CEP112: variants seen among roughly 807,000 people sequenced by gnomAD.
CEP112 encodes centrosomal protein of 112 kDa.
A neutral mutation model predicts 153.0 loss-of-function variants in CEP112; 127 were observed. The observed-to-expected ratio is 0.83, with a 90% confidence interval of 0.72 to 0.96. The LOEUF is 0.96. Among genes scored for constraint, CEP112 ranks in the 40% least tolerant of loss-of-function variants. CEP112 has a pLI of 0.00. For synonymous variants in CEP112, 358 were observed against 374.4 expected, an observed-to-expected ratio of 0.96 and a Z score of 0.51; for missense variants, 1,089 against 1,101.2, an observed-to-expected ratio of 0.99 and a Z score of 0.16.
intron 22 of CEP112, among the ~76,000 whole-genome samples, chr17:65,744,464 C>G (rs546205337): frequency 6.6e-6 from 1 of 152,192 alleles, no homozygotes; most frequent in African/African-American, 2.4e-5. Context: ...CCAGACTGGT[C>G]TCGAATTCCT....
chr17:66,072,387 C>T (rs997774817), intron 8 of CEP112, among the ~76,000 whole-genome samples: 1 of 152,146 alleles, frequency 6.6e-6, no homozygotes, highest in Non-Finnish European at 1.5e-5. Context: ...AATCCAGGAT[C>T]CAACCAAGAA....
chr17:65,691,058 T>C (rs907807497), intron 23 of CEP112, among the ~76,000 whole-genome samples: 17 of 151,672 alleles, frequency 1.1e-4, no homozygotes, highest in African/African-American at 4.1e-4. Context: ...GAAATAGAGA[T>C]GATGGCCCTG....
At position 66,027,492 on chromosome 17, in the gene CEP112, A is replaced by G; in HGVS notation, c.1656+9T>C. 1 of 1,345,466 alleles carries G rather than the reference A, an allele frequency of 7.4e-7. No individual in the cohort carries two copies. Among genetic ancestry groups the G allele is most frequent in the Non-Finnish European group, 9.9e-7 (1 of 1,008,726 alleles). The allele number at this position is 1,345,466 out of a possible 1,614,324, so 83.3% of individuals were successfully genotyped here. A position where few individuals can be genotyped will look rare whatever the true frequency, so the allele number is the denominator to read the frequency against. Reference sequence around the variant, plus strand: ...TTAAATATTTTATAGCTTCCATAAAACATATTACCTTTTTTTCATAGATGT... The same window carrying G: ...TTAAATATTTTATAGCTTCCATAAAGCATATTACCTTTTTTTCATAGATGT... On this transcript the variant is annotated intron_variant, in intron 16 of 26. Transcript: ENST00000535342.
At chr17:65,851,320 C>G (rs2057921808) in intron 21 of CEP112, among the ~76,000 whole-genome samples, 1 of 152,124 alleles carries the variant, frequency 6.6e-6, no homozygotes. Flanking sequence ...ATAATATATA[C>G]TTCTAAAAAG....
At chr17:65,988,617 T>C (rs1403337257) in intron 17 of CEP112, among the ~76,000 whole-genome samples, 1 of 152,006 alleles carries the variant, frequency 6.6e-6, no homozygotes, top group African/African-American at 2.4e-5. Context: ...AGTTGAAAAA[T>C]ACATTTGCTG....
intron 12 of CEP112, among the ~76,000 whole-genome samples, chr17:66,032,834 C>G (rs1343756539): frequency 6.6e-6 from 1 of 151,970 alleles, no homozygotes; most frequent in Non-Finnish European, 1.5e-5. Flanking sequence ...AGACATCACA[C>G]AAAATTAAGT....
intron 21 of CEP112, among the ~76,000 whole-genome samples, chr17:65,813,838 T>C (rs2056119288): frequency 6.6e-6 from 1 of 152,220 alleles, no homozygotes; most frequent in Admixed American, 6.5e-5. Context: ...TAAGAATCTG[T>C]GTTGTATCTG....
At chr17:65,715,080 G>A (rs1054726433) in intron 23 of CEP112, among the ~76,000 whole-genome samples, 1 of 152,138 alleles carries the variant, frequency 6.6e-6, no homozygotes, top group Admixed American at 6.5e-5. Context: ...TAACAGAAAG[G>A]AAAAGAGTAA....
At chr17:66,179,191 A>G (rs191627262) in intron 2 of CEP112, among the ~76,000 whole-genome samples, 4 of 152,272 alleles carry the variant, frequency 2.6e-5, no homozygotes, top group African/African-American at 9.6e-5. Flanking sequence ...TTGTGGTTCC[A>G]CATAAATTTT....
At chr17:65,761,313 T>C (rs2052600564) in intron 21 of CEP112, among the ~76,000 whole-genome samples, 1 of 151,974 alleles carries the variant, frequency 6.6e-6, no homozygotes, top group Non-Finnish European at 1.5e-5. Flanking sequence ...AGGGTCTCAC[T>C]ATGTTGCTCA....
intron 23 of CEP112, among the ~76,000 whole-genome samples, chr17:65,712,932 T>C (rs930020200): frequency 4.6e-5 from 7 of 152,014 alleles, no homozygotes; most frequent in Admixed American, 1.3e-4. Flanking sequence ...CCAAGCAAAA[T>C]TGGCTAATGT....
chr17:65,696,275 A>G (rs1724218892), intron 23 of CEP112, among the ~76,000 whole-genome samples: 1 of 152,134 alleles, frequency 6.6e-6, no homozygotes, highest in Non-Finnish European at 1.5e-5. Context: ...CCTTTTCACA[A>G]ATCATCATGA....
chr17:66,096,278 A>C lies in CEP112; in HGVS notation c.741T>G (p.His247Gln). ...LRKSSSFHDD[H>Q]FLSRIREKEL... ...CTTTCTCACGTATTCGAGAGAGAAA[A>C]TGATCATCATGGAAACTGCTGGATT... is the stretch of plus-strand genomic sequence containing the variant. The change falls in exon 8 of 27, where the codon CAT becomes CAG. Residue 247 changes from histidine to glutamine, a missense_variant. Transcript: ENST00000535342. 2 of 1,613,214 alleles carry C rather than the reference A, an allele frequency of 1.2e-6. No individual in the cohort carries two copies.
intron 20 of CEP112, among the ~76,000 whole-genome samples, chr17:65,890,567 C>G (rs1473227509): frequency 2.0e-5 from 3 of 152,090 alleles, no homozygotes; most frequent in Non-Finnish European, 4.4e-5. Context: ...TCTGGCAGGC[C>G]TGAAGGGTAA....
intron 21 of CEP112, among the ~76,000 whole-genome samples, chr17:65,801,675 G>A (rs2055288121): frequency 6.6e-6 from 1 of 152,010 alleles, no homozygotes; most frequent in Non-Finnish European, 1.5e-5. Context: ...TTTTCTTTAA[G>A]GGCTTTTAGT....
At chr17:66,047,015 C>T (rs888400192) in intron 12 of CEP112, among the ~76,000 whole-genome samples, 1 of 152,174 alleles carries the variant, frequency 6.6e-6, no homozygotes, top group African/African-American at 2.4e-5. Context: ...TTAAGCCACT[C>T]GGTTTGTGGT....
intron 21 of CEP112, among the ~76,000 whole-genome samples, chr17:65,821,321 T>C (rs1463362549): frequency 6.6e-6 from 1 of 150,596 alleles, no homozygotes; most frequent in Non-Finnish European, 1.5e-5. Context: ...TGTATATATA[T>C]ACATATATGT....
chr17:65,920,698 T>C (rs986464075), intron 19 of CEP112, among the ~76,000 whole-genome samples: 44 of 152,008 alleles, frequency 2.9e-4, no homozygotes, highest in African/African-American at 9.6e-4. Flanking sequence ...ATGTTCGAGT[T>C]TGTCAGTGGC....
intron 6 of CEP112, 141 bp downstream of exon 6, chr17:66,129,605 T>C: frequency 1.9e-6 from 1 of 530,962 alleles, no homozygotes; most frequent in South Asian, 3.2e-5. Context: ...TTCCTATACT[T>C]AAGCCCTTCT....
Sources: allele counts gnomAD v4.1 joint callset (sites outside exome capture counted in the v4.1 genomes callset), GRCh38; gene constraint gnomAD v4.1.1; transcripts MANE v1.5; gene names NCBI Gene and HGNC (gene_info 2026-07-23, HGNC 2026-07-21).